CCNY: variants seen among roughly 807,000 people sequenced by gnomAD.
CCNY encodes the protein cyclin-Y.
A neutral mutation model predicts 42.8 loss-of-function variants in CCNY; 19 were observed. The ratio of observed to expected loss-of-function variants is 0.44; its 90% CI spans 0.31 to 0.65. The LOEUF is 0.65. CCNY is among the 30% of genes least tolerant of loss of function. The probability of loss-of-function intolerance (pLI) is 0.07; values close to 1 mark genes in which losing one functional copy is unlikely to be tolerated. For synonymous variants in CCNY, 165 were observed against 162.7 expected, an observed-to-expected ratio of 1.01 and a Z score of -0.11; for missense variants, 370 against 437.3, an observed-to-expected ratio of 0.85 and a Z score of 1.37.
At chr10:35,379,695 A>G (rs981287749) in intron 1 of CCNY, among the ~76,000 whole-genome samples, 2 of 152,202 alleles carry the variant, frequency 1.3e-5, no homozygotes, top group African/African-American at 4.8e-5. Flanking sequence ...GCTTGTGGGA[A>G]AAGAAGATAA....
chr10:35,396,395 C>A (rs1418351183), intron 1 of CCNY, among the ~76,000 whole-genome samples: 2 of 152,200 alleles, frequency 1.3e-5, no homozygotes. Flanking sequence ...TTGTAAGAGG[C>A]AGGTGCCGCA....
chr10:35,284,167 G>A (rs547719376), intron 3 of CCNY, among the ~76,000 whole-genome samples: 1 of 152,294 alleles, frequency 6.6e-6, no homozygotes, highest in African/African-American at 2.4e-5. Flanking sequence ...TTTCAAGTGT[G>A]TAGTCTGACA....
intron 2 of CCNY, among the ~76,000 whole-genome samples, chr10:35,485,832 G>A (rs1839777097): frequency 6.6e-6 from 1 of 151,966 alleles, no homozygotes; most frequent in Non-Finnish European, 1.5e-5. Flanking sequence ...TTGGCTTTTG[G>A]CAAATTGGTC....
At chr10:35,247,381 C>T (rs1320766438) in intron 1 of CCNY, among the ~76,000 whole-genome samples, 3 of 151,876 alleles carry the variant, frequency 2.0e-5, no homozygotes, top group South Asian at 2.1e-4. Context: ...ATCACTGGAG[C>T]CCAGCAGTTC....
chr10:35,435,881 C>A (rs955160731), intron 1 of CCNY, among the ~76,000 whole-genome samples: 2 of 152,080 alleles, frequency 1.3e-5, no homozygotes, highest in African/African-American at 4.8e-5. Context: ...TGTTTAAGTT[C>A]CTCCTCCTAA....
intron 3 of CCNY, among the ~76,000 whole-genome samples, chr10:35,324,057 T>C (rs1206037528): frequency 6.6e-6 from 1 of 150,778 alleles, no homozygotes; most frequent in African/African-American, 2.4e-5. Flanking sequence ...ACTTCAAAGA[T>C]AATAAATACT....
At chr10:35,520,188 A>G (rs1840520260) in intron 4 of CCNY, among the ~76,000 whole-genome samples, 1 of 152,150 alleles carries the variant, frequency 6.6e-6, no homozygotes, top group East Asian at 1.9e-4. Flanking sequence ...TAAAGAGTCA[A>G]AAACATTTAG....
chr10:35,252,470 G>T (rs2095712620), intron 3 of CCNY, among the ~76,000 whole-genome samples: 1 of 151,098 alleles, frequency 6.6e-6, no homozygotes, highest in Admixed American at 6.6e-5. Flanking sequence ...GGAGGCTGAG[G>T]CAGGAGAATG....
rs147098858 is a variant in CCNY at position 35,482,954 on chromosome 10, ATAAT to A, written c.155-446_155-443del. Among the ~76,000 whole-genome samples the A allele has an allele frequency of 7.9e-3, 1,201 of 152,312 alleles. 22 individuals carry two copies. Among genetic ancestry groups the A allele is most frequent in the African/African-American group, 0.028 (1,149 of 41,564 alleles). ...GGGACAAGTTTTGCTTTTTCAGAAA[ATAAT>A]TAAGCAGAGTATGTGGATGCTGATT... On this transcript the variant is annotated intron_variant, in intron 1 of 9. Transcript: ENST00000374704.
At chr10:35,515,852 A>G (rs999690688) in intron 3 of CCNY, among the ~76,000 whole-genome samples, 2 of 152,212 alleles carry the variant, frequency 1.3e-5, no homozygotes, top group African/African-American at 4.8e-5. Flanking sequence ...AAGTTCTCCA[A>G]AGAGCCCAAA....
chr10:35,324,110 C>G (rs1315069839), intron 3 of CCNY, among the ~76,000 whole-genome samples: 1 of 151,986 alleles, frequency 6.6e-6, no homozygotes, highest in Non-Finnish European at 1.5e-5. Flanking sequence ...AAGAATACAC[C>G]TCAAACCCAG....
At chr10:35,356,365 T>C (rs138599124) in intron 1 of CCNY, among the ~76,000 whole-genome samples, 47 of 152,356 alleles carry the variant, frequency 3.1e-4, no homozygotes, top group African/African-American at 1.1e-3. Flanking sequence ...GCTTTGTTGG[T>C]CAAAATCCGA....
intron 1 of CCNY, among the ~76,000 whole-genome samples, chr10:35,459,803 G>A (rs1356709625): frequency 6.6e-6 from 1 of 152,192 alleles, no homozygotes; most frequent in African/African-American, 2.4e-5. Context: ...TTAATCAGAT[G>A]TGCACTGGAT....
intron 3 of CCNY, among the ~76,000 whole-genome samples, chr10:35,511,895 G>A (rs954928382): frequency 6.6e-6 from 1 of 152,210 alleles, no homozygotes; most frequent in Non-Finnish European, 1.5e-5. Context: ...AGTGGAGAAC[G>A]TCAGAACCAT....
intron 1 of CCNY, among the ~76,000 whole-genome samples, chr10:35,389,998 G>C (rs1837380377): frequency 6.6e-6 from 1 of 152,138 alleles, no homozygotes; most frequent in African/African-American, 2.4e-5. Context: ...TCATAAATCA[G>C]CTCAGTGTTT....
chr10:35,498,300 G>A (rs1435992181), intron 2 of CCNY, among the ~76,000 whole-genome samples: 1 of 152,152 alleles, frequency 6.6e-6, no homozygotes, highest in East Asian at 1.9e-4. Flanking sequence ...GCGGCATAGA[G>A]CATATTGTTT....
intron 7 of CCNY, among the ~76,000 whole-genome samples, chr10:35,551,615 C>T (rs1452648552): frequency 4.6e-5 from 7 of 151,834 alleles, no homozygotes; most frequent in East Asian, 1.9e-4. Flanking sequence ...AAGTGTAAGA[C>T]GTACTATCAA....
chr10:35,297,217 A>G (rs540625308), intron 3 of CCNY, among the ~76,000 whole-genome samples: 1 of 152,320 alleles, frequency 6.6e-6, no homozygotes, highest in Admixed American at 6.5e-5. Context: ...GGAAATCAAT[A>G]AATGTGATTC....
At chr10:35,289,266 CATTG>C (rs1304656832) in intron 3 of CCNY, 2 of 152,104 alleles carry the variant, frequency 1.3e-5, no homozygotes, top group African/African-American at 4.8e-5. Flanking sequence ...TAATATCACT[CATTG>C]ATTAACAATG....
Sources: gnomAD v4.1 joint callset for allele counts (sites outside exome capture counted in the v4.1 genomes callset) on GRCh38, gnomAD v4.1.1 for gene constraint, MANE v1.5 for transcripts, NCBI Gene and HGNC (gene_info 2026-07-23, HGNC 2026-07-21) for gene names.